The following TPTE2 variants were observed in gnomAD, a reference collection of about 807,000 sequenced individuals.
TPTE2 encodes transmembrane phosphoinositide 3-phosphatase and tensin homolog 2.
TPTE2 carries 53 observed loss-of-function variants against 78.6 expected under a neutral mutation model. The observed-to-expected ratio is 0.67, with a 90% CI of 0.54 to 0.85. The LOEUF (loss-of-function observed/expected upper bound fraction) is 0.85, where lower values mean the gene tolerates loss of function less well. Among genes scored for constraint, TPTE2 ranks in the 40% least tolerant of loss-of-function variants. The probability of loss-of-function intolerance (pLI) is 0.00; values close to 1 mark genes in which losing one functional copy is unlikely to be tolerated. For missense variants in TPTE2, 461 were observed against 623.0 expected, an observed-to-expected ratio of 0.74 and a Z score of 2.77; for synonymous variants, 175 against 206.2, an observed-to-expected ratio of 0.85 and a Z score of 1.30.
chr13:19,436,257 T>C (rs1026577493), exon 15 of TPTE2: 1 of 1,613,206 alleles, frequency 6.2e-7, no homozygotes, highest in African/African-American at 1.3e-5. Context: ...CTGAAATTTA[T>C]TGCTGTGGGT....
At chr13:19,539,255 T>A (rs1871369643), upstream of TPTE2, among the ~76,000 whole-genome samples, 1 of 152,330 alleles carries the variant, frequency 6.6e-6, no homozygotes, top group African/African-American at 2.4e-5. Context: ...TGTGTCCCCA[T>A]CCAAATCTCA....
chr13:19,501,958 A>C (rs1566068061), intron 1 of TPTE2, among the ~76,000 whole-genome samples: 1 of 150,846 alleles, frequency 6.6e-6, no homozygotes, highest in Non-Finnish European at 1.5e-5. Context: ...CAAGAAAAAA[A>C]TAAACAACCC....
chr13:19,547,517 G>A, the TPTE2 span, among the ~76,000 whole-genome samples: 1 of 151,862 alleles, frequency 6.6e-6, no homozygotes, highest in African/African-American at 2.4e-5. Context: ...GACCCTTCTA[G>A]GAATTGAAAG....
chr13:19,462,990 A>T (rs1397378350), intron 10 of TPTE2, among the ~76,000 whole-genome samples: 3 of 139,794 alleles, frequency 2.1e-5, no homozygotes, highest in Non-Finnish European at 4.7e-5. Flanking sequence ...TCTTGATTGT[A>T]TTTTTTTTTT....
At chr13:19,494,280 G>A (rs575463656) in intron 1 of TPTE2, among the ~76,000 whole-genome samples, 1 of 152,364 alleles carries the variant, frequency 6.6e-6, no homozygotes, top group East Asian at 1.9e-4. Flanking sequence ...ACACGATACA[G>A]TGAGATGATA....
intron 1 of TPTE2, among the ~76,000 whole-genome samples, chr13:19,497,530 G>C (rs1301406507): frequency 2.6e-5 from 2 of 78,008 alleles, no homozygotes; most frequent in Non-Finnish European, 3.5e-5. Context: ...GCACCCCCCA[G>C]CAGGGGCACA....
chr13:19,433,365 G>A (rs558663141), intron 15 of TPTE2, among the ~76,000 whole-genome samples: 9 of 152,188 alleles, frequency 5.9e-5, no homozygotes, highest in South Asian at 2.1e-4. Flanking sequence ...TAGGCCATGC[G>A]TAGTGATGGG....
chr13:19,551,839 A>T, the TPTE2 span, among the ~76,000 whole-genome samples: 2 of 152,158 alleles, frequency 1.3e-5, no homozygotes, highest in Non-Finnish European at 2.9e-5. Context: ...TTTTCCTAAG[A>T]CTTATTCAGG....
chr13:19,439,752 T>C (rs1007655481), intron 13 of TPTE2, among the ~76,000 whole-genome samples: 3 of 152,242 alleles, frequency 2.0e-5, no homozygotes, highest in South Asian at 2.1e-4. Flanking sequence ...AACATCTTAA[T>C]AAGAAATCAA....
intron 3 of TPTE2, 143 bp downstream of exon 6, chr13:19,492,707 T>C (rs2094355742): frequency 1.7e-6 from 2 of 1,148,922 alleles, no homozygotes; most frequent in African/African-American, 1.5e-5. Flanking sequence ...GTTTCCACTT[T>C]GTGCATGGGT....
chr13:19,470,166 G>A (rs571937779), intron 6 of TPTE2, among the ~76,000 whole-genome samples: 2 of 152,244 alleles, frequency 1.3e-5, no homozygotes, highest in African/African-American at 4.8e-5. Context: ...CTGTGGGTCT[G>A]TCATATATGG....
chr13:19,439,117 G>A (rs1435283082), intron 13 of TPTE2, among the ~76,000 whole-genome samples: 5 of 152,264 alleles, frequency 3.3e-5, no homozygotes, highest in East Asian at 3.9e-4. Context: ...CACCCATCTT[G>A]TGCCCCCAAT....
At chr13:19,533,201 T>G (rs1870988980) in intron 1 of TPTE2, among the ~76,000 whole-genome samples, 1 of 152,182 alleles carries the variant, frequency 6.6e-6, no homozygotes, top group African/African-American at 2.4e-5. Flanking sequence ...GAAAACTCAT[T>G]AAGAGTGTCC....
chr13:19,556,818 CA>C, the TPTE2 span, among the ~76,000 whole-genome samples: 2 of 152,146 alleles, frequency 1.3e-5, no homozygotes, highest in Admixed American at 6.5e-5. Context: ...CTACAAGATC[CA>C]AAAAACTAAC....
At chr13:19,434,673 GGTTTAGGGCCGGTA>G (rs1876936531) in intron 15 of TPTE2, among the ~76,000 whole-genome samples, 1 of 152,156 alleles carries the variant, frequency 6.6e-6, no homozygotes, top group Non-Finnish European at 1.5e-5. Context: ...CCAAACTAAA[GGTTTAGGGCCGGTA>G]GTTAGAGTGT....
chr13:19,478,156 A>T (rs1469066788), intron 4 of TPTE2, among the ~76,000 whole-genome samples: 2 of 152,236 alleles, frequency 1.3e-5, no homozygotes, highest in Non-Finnish European at 2.9e-5. Context: ...CAAAATTGAC[A>T]AACAGGATCT....
At chr13:19,442,718 AT>A (rs1315757585) in intron 13 of TPTE2, among the ~76,000 whole-genome samples, 1 of 152,168 alleles carries the variant, frequency 6.6e-6, no homozygotes, top group Admixed American at 6.5e-5. Context: ...AATGTCGGGA[AT>A]AAAAAAGGGA....
intron 3 of TPTE2, among the ~76,000 whole-genome samples, chr13:19,484,026 G>C (rs1324886562): frequency 6.7e-6 from 1 of 148,726 alleles, no homozygotes; most frequent in African/African-American, 2.5e-5. Context: ...AACATGTGAT[G>C]TTTGGTGTTT....
At chr13:19,527,249 A>C (rs1003731331) in intron 1 of TPTE2, among the ~76,000 whole-genome samples, 2 of 152,226 alleles carry the variant, frequency 1.3e-5, no homozygotes, top group African/African-American at 4.8e-5. Flanking sequence ...TCTATAGCAG[A>C]GTAGGGTGAC....
Sources: gnomAD v4.1 joint callset for allele counts (sites outside exome capture counted in the v4.1 genomes callset) on GRCh38, gnomAD v4.1.1 for gene constraint, MANE v1.5 for transcripts, NCBI Gene and HGNC (gene_info 2026-07-23, HGNC 2026-07-21) for gene names.